Variants in IGFN1 observed in about 807,000 individuals in gnomAD.
The protein encoded by IGFN1 is immunoglobulin like and fibronectin type III domain containing 1.
Under a neutral mutation model 289.5 loss-of-function variants are expected in IGFN1, and 253 were observed. That is an observed-to-expected ratio of 0.87 (90% CI 0.79 to 0.97). The LOEUF (loss-of-function observed/expected upper bound fraction) is 0.97. IGFN1 is among the 50% of genes least tolerant of loss of function. IGFN1 has a pLI of 0.00. For missense variants in IGFN1, 4,470 were observed against 4,686.1 expected (o/e 0.95, Z 1.35); for synonymous variants, 1,706 against 1,788.5 (o/e 0.95, Z 1.16).
chr1:201,216,779 G>C (rs781008873), intron 16 of IGFN1, 26 bp downstream of exon 16: 1 of 1,561,842 alleles, frequency 6.4e-7, no homozygotes, highest in Non-Finnish European at 8.7e-7. Context: ...GGGGCTGGGG[G>C]TGGGGGACAC....
At position 201,206,419 on chromosome 1, in the gene IGFN1, A is replaced by T; in HGVS notation, c.1526A>T (p.His509Leu). 1 of 1,551,074 alleles carries T rather than the reference A, an allele frequency of 6.4e-7. No homozygotes were observed. Among genetic ancestry groups the T allele is most frequent in the Non-Finnish European group, 8.7e-7 (1 of 1,146,990 alleles). The change falls in exon 12 of 24, where the codon CAC becomes CTC. Residue 509 changes from histidine (H) to leucine (L), a missense_variant. His to Leu is a moderately conservative substitution (Grantham distance 99). Transcript: ENST00000335211. ...RATLPRENQS[H>L]REGGWARSLA... ...ACTCTTCCCAGGGAAAATCAATCCCACAGAGAGGGAGGCTGGGCCAGAAGC... is the reference window on the plus strand; with the variant it reads ...ACTCTTCCCAGGGAAAATCAATCCCTCAGAGAGGGAGGCTGGGCCAGAAGC...
intron 18 of IGFN1, 32 bp downstream of exon 18, chr1:201,218,690 G>C: frequency 6.3e-7 from 1 of 1,588,640 alleles, no homozygotes; most frequent in Non-Finnish European, 8.5e-7. Flanking sequence ...GATGGGGGTG[G>C]AGGTGAGCAT....
rs886789787 is a variant in IGFN1 at position 201,207,933 on chromosome 1, G to A, written c.3040G>A (p.Gly1014Arg). ...EEGGGYRHGS[G>R]APGGVWSGNE... ...AGGGGGTGGGTACAGGCATGGCTCCGGAGCGCCTGGGGGAGTGTGGTCTGG... is the reference window on the plus strand; with the variant it reads ...AGGGGGTGGGTACAGGCATGGCTCCAGAGCGCCTGGGGGAGTGTGGTCTGG... Residue 1014 changes from glycine (G) to arginine (R), a missense_variant, in exon 12 of 24, where the codon GGA (glycine) becomes AGA (arginine). Physicochemically the swap from Gly to Arg is moderately radical, Grantham distance 125 (BLOSUM62 -2). This residue lies in a region of IGFN1 where 2,011 missense variants were observed against 1,953.4 expected (regional missense o/e 1.03). Transcript: ENST00000335211. 1.6e-5 allele frequency: 25 copies of A among 1,536,694 alleles called. No individual in the cohort carries two copies. The highest frequency in any genetic ancestry group is 1.6e-4 in the Admixed American group (8 of 50,950).
At chr1:201,201,440 A>G (rs1667152740) in intron 8 of IGFN1, among the ~76,000 whole-genome samples, 1 of 152,218 alleles carries the variant, frequency 6.6e-6, no homozygotes, top group Non-Finnish European at 1.5e-5. Context: ...TAGGTGTTCA[A>G]CTAATGTTCG....
chr1:201,200,348 C>G lies in IGFN1; in HGVS notation c.570C>G (p.Asp190Glu). The G allele has an allele frequency of 6.4e-7, 1 of 1,551,794 alleles. No individual in the cohort carries two copies. The highest frequency in any genetic ancestry group is 8.7e-7 in the Non-Finnish European group (1 of 1,147,002). Residue 190 changes from aspartate (D) to glutamate (E), a missense_variant, in exon 8 of 24, where the codon GAC (aspartate) becomes GAG (glutamate). Transcript: ENST00000335211. ...EKICLKYGIV[D>E]YRGMLRRLQE... The stretch of plus-strand genomic sequence containing the variant: ...TCTGCTTGAAGTATGGCATCGTCGA[C>G]TACCGTGGCATGTTGCGCAGGCTGC...
intron 21 of IGFN1, 24 bp downstream of exon 21, chr1:201,224,898 T>G: frequency 6.3e-7 from 1 of 1,587,064 alleles, no homozygotes; most frequent in Non-Finnish European, 8.6e-7. Flanking sequence ...TGCTCTGGGC[T>G]CTGGACGCTG....
At position 201,217,284 on chromosome 1, in the gene IGFN1, C is replaced by A; in HGVS notation, c.9596-3C>A. On this transcript the variant is annotated splice_region_variant and splice_polypyrimidine_tract_variant and intron_variant, in intron 16 of 23. Transcript: ENST00000335211. The stretch of plus-strand genomic sequence containing the variant: ...GGCTGACTGGAATCTTTCTTACCCC[C>A]AGCTCTCCCCAAGGCCCCTTCCGCG... The A allele has an allele frequency of 6.2e-7, 1 of 1,612,808 alleles. No homozygotes were observed. Among genetic ancestry groups the A allele is most frequent in the Non-Finnish European group, 8.5e-7 (1 of 1,179,440 alleles).
rs61742375 is a variant in IGFN1 at position 201,213,481 on chromosome 1, G to A, written c.8588G>A (p.Arg2863Gln). ...GAGATGCTGAATGAAGATCAGAGCC[G>A]GGAGCCCCCTGGTCACCTTGGTAGC... Reference protein sequence around the residue: ...LEEMLNEDQSREPPGHLGSRR... With the variant: ...LEEMLNEDQSQEPPGHLGSRR... Residue 2863 changes from arginine (R) to glutamine (Q), a missense_variant, in exon 12 of 24, where the codon CGG becomes CAG. This residue lies in a region of IGFN1 where 2,218 missense variants were observed against 2,114.1 expected (regional missense o/e 1.05). Transcript: ENST00000335211. 22,288 of 1,614,036 alleles carry A rather than the reference G, an allele frequency of 0.014. 222 individuals are homozygous for A. The highest frequency in any genetic ancestry group is 0.019 in the South Asian group (1,735 of 91,078).
In IGFN1 at chr1:201,226,983, G is replaced by T. The variant is rs375211075; in HGVS notation, c.10888G>T (p.Glu3630Ter). 6.2e-7 allele frequency: 1 copy of T among 1,613,252 alleles called. No homozygotes were observed. The highest frequency in any genetic ancestry group is 8.5e-7 in the Non-Finnish European group (1 of 1,180,002). Residue 3630 changes from glutamate (E) to a stop codon, truncating the protein, a stop_gained, in exon 23 of 24, where the codon GAG becomes TAG. Transcript: ENST00000335211. LOFTEE classifies it high-confidence loss of function. The part of the protein sequence containing the change: ...LRSHLLPQGC[E>*]CCMSCAVQGS... ...GTCCCACCTGCTGCCCCAGGGCTGC[G>T]AGTGCTGCATGAGCTGTGCCGTGCA...
At chr1:201,191,262 G>A (rs1666647494) in intron 1 of IGFN1, among the ~76,000 whole-genome samples, 1 of 152,188 alleles carries the variant, frequency 6.6e-6, no homozygotes. Context: ...ATTTTGGTTA[G>A]TATCATGGTC....
rs1223329036 is a variant in IGFN1 at position 201,193,286 on chromosome 1, G to A, written c.-8G>A. ...TACCCTCAGAGGAGTCAAAGAGGAG[G>A]CAGAACTATGGCAGGTAAGAGAAGA... On this transcript the variant is annotated 5_prime_UTR_variant, in exon 2 of 24. Transcript: ENST00000335211. 1 of 1,539,518 alleles carries A rather than the reference G, an allele frequency of 6.5e-7. No homozygotes were observed. The highest frequency in any genetic ancestry group is 8.8e-7 in the Non-Finnish European group (1 of 1,135,600).
chr1:201,206,745 G>A lies in IGFN1; in HGVS notation c.1852G>A (p.Val618Ile). The A allele has an allele frequency of 1.3e-6, 2 of 1,536,892 alleles. No individual in the cohort carries two copies. Among genetic ancestry groups the A allele is most frequent in the Non-Finnish European group, 1.7e-6 (2 of 1,146,908 alleles). The change falls in exon 12 of 24, where the codon GTA becomes ATA. Residue 618 changes from valine to isoleucine, a missense_variant. This residue lies in a region of IGFN1 where 2,011 missense variants were observed against 1,953.4 expected (regional missense o/e 1.03). Coordinates refer to ENST00000335211, the MANE Select transcript of IGFN1 (RefSeq NM_001164586.2). Reference sequence around the variant, plus strand: ...CCTGCAGGGATGCCAGTCTGATCCTGTAGGGTCCTGGCCAAGAGGAAAGCA... The same window carrying A: ...CCTGCAGGGATGCCAGTCTGATCCTATAGGGTCCTGGCCAAGAGGAAAGCA... ...SDLQGCQSDP[V>I]GSWPRGKQIE...
intron 18 of IGFN1, among the ~76,000 whole-genome samples, chr1:201,220,283 A>G (rs1349895478): frequency 6.6e-6 from 1 of 152,060 alleles, no homozygotes; most frequent in Non-Finnish European, 1.5e-5. Flanking sequence ...CCTGGCCTCA[A>G]GCAATCCTCC....
intron 15 of IGFN1, chr1:201,216,118 T>C: frequency 1.5e-6 from 1 of 660,886 alleles, no homozygotes; most frequent in Non-Finnish European, 2.8e-6. Flanking sequence ...AGGATGGTGG[T>C]CCCCAGCCCT....
chr1:201,196,680 T>C (rs1666935855), intron 4 of IGFN1, among the ~76,000 whole-genome samples: 1 of 152,172 alleles, frequency 6.6e-6, no homozygotes, highest in Admixed American at 6.5e-5. Flanking sequence ...TTATGTAAAG[T>C]GTCTAGCTAG....
At position 201,221,635 on chromosome 1, in the gene IGFN1, A is replaced by C. The variant is rs1653737405; in HGVS notation, c.10090A>C (p.Lys3364Gln). ...CGTGCCAGTCACCACCTACACGGCCAAGGGGCTTCGGCCTGGAGAGGGCTA... is the reference window on the plus strand; with the variant it reads ...CGTGCCAGTCACCACCTACACGGCCCAGGGGCTTCGGCCTGGAGAGGGCTA... ...GTVPVTTYTAKGLRPGEGYFV... is the reference protein window; with the variant it reads ...GTVPVTTYTAQGLRPGEGYFV... Residue 3364 changes from lysine (K) to glutamine (Q), a missense_variant, in exon 19 of 24, where the codon AAG becomes CAG. Physicochemically the swap from Lys to Gln is moderately conservative, Grantham distance 53. Around this residue, in one of 8 missense-constraint regions of IGFN1, gnomAD observed 2,218 missense variants for 2,114.1 expected, o/e 1.05. Coordinates refer to ENST00000335211, the MANE Select transcript of IGFN1 (RefSeq NM_001164586.2). The C allele has an allele frequency of 6.2e-7, 1 of 1,614,216 alleles. No individual in the cohort carries two copies. The highest frequency in any genetic ancestry group is 1.7e-5 in the Admixed American group (1 of 60,028).
Position 201,211,317 on chromosome 1 carries a change from T to C in IGFN1, c.6424T>C (p.Tyr2142His). Residue 2142 changes from tyrosine (Y) to histidine (H), a missense_variant, in exon 12 of 24, where the codon TAT (tyrosine) becomes CAT (histidine). By Grantham distance (83) the Tyr-to-His change is moderately conservative. Transcript: ENST00000335211. The part of the protein sequence containing the change: ...TEMGSVNEAG[Y>H]RKDLGAPKGM... ...AATGGGGTCAGTGAATGAGGCAGGT[T>C]ATAGGAAGGATTTGGGGGCTCCTAA... 3.3e-6 allele frequency: 5 copies of C among 1,519,012 alleles called. No homozygotes were observed. Among genetic ancestry groups the C allele is most frequent in the Non-Finnish European group, 4.4e-6 (5 of 1,135,648 alleles). 94.1% of individuals were successfully genotyped at this position (1,519,012 alleles called of 1,614,324 possible).
chr1:201,214,861 T>C, intron 13 of IGFN1, 152 bp from the exon 14 acceptor site: 1 of 731,440 alleles, frequency 1.4e-6, no homozygotes, highest in East Asian at 2.8e-5. Flanking sequence ...TTAAATAAGG[T>C]GCTAAGCACA....
At chr1:201,198,608 G>T (rs1170358945) in intron 5 of IGFN1, among the ~76,000 whole-genome samples, 1 of 151,252 alleles carries the variant, frequency 6.6e-6, no homozygotes, top group African/African-American at 2.4e-5. Flanking sequence ...TATTTTTTTT[G>T]TAGAGGCGGG....
Sources: allele counts gnomAD v4.1 joint callset (sites outside exome capture counted in the v4.1 genomes callset), GRCh38; gene constraint gnomAD v4.1.1; regional missense constraint gnomAD v4.1.1; transcripts MANE v1.5; gene names NCBI Gene and HGNC (gene_info 2026-07-23, HGNC 2026-07-21).